MARCHF4: variants seen among roughly 807,000 people sequenced by gnomAD.
The protein encoded by MARCHF4 is membrane associated ring-CH-type finger 4.
MARCHF4 carries 14 observed loss-of-function variants against 43.9 expected under a neutral mutation model. The ratio of observed to expected loss-of-function variants is 0.32; its 90% confidence interval spans 0.21 to 0.50. The LOEUF is 0.50. MARCHF4 is among the 20% of genes least tolerant of loss of function. MARCHF4 has a pLI of 0.98. For synonymous variants in MARCHF4, 226 were observed against 213.3 expected (o/e 1.06, Z -0.52); for missense variants, 468 against 536.7 (o/e 0.87, Z 1.27).
At chr2:216,265,429 C>G (rs566623975) in intron 3 of MARCHF4, 1 of 152,256 alleles carries the variant, frequency 6.6e-6, no homozygotes, top group South Asian at 2.1e-4. Context: ...ATCCCACCCC[C>G]ACTCCATGTC....
In MARCHF4 at chr2:216,371,776, G is replaced by A. The variant is rs2105990354; in HGVS notation, c.-1516C>T. On this transcript the variant is annotated 5_prime_UTR_variant, in exon 1 of 4. Coordinates refer to ENST00000273067, the MANE Select transcript of MARCHF4 (RefSeq NM_020814.3). ...GGAATAATTCGGTTCTCAGGCAAGAGTGCTTCTGGAGGGTGGGGGCGGAGG... is the reference window on the plus strand; with the variant it reads ...GGAATAATTCGGTTCTCAGGCAAGAATGCTTCTGGAGGGTGGGGGCGGAGG... 6.6e-6 allele frequency: 1 copy of A among 152,442 alleles called. No individual in the cohort carries two copies. The highest frequency in any genetic ancestry group is 2.1e-4 in the South Asian group (1 of 4,830). 9.4% of individuals were successfully genotyped at this position (152,442 alleles called of 1,614,324 possible).
intron 1 of MARCHF4, among the ~76,000 whole-genome samples, chr2:216,287,588 T>C (rs1343327960): frequency 7.8e-6 from 1 of 128,240 alleles, no homozygotes; most frequent in Non-Finnish European, 1.5e-5. Flanking sequence ...CAATTCCCAA[T>C]GAGAACACGT....
chr2:216,280,233 G>A (rs1300870711), intron 2 of MARCHF4, among the ~76,000 whole-genome samples: 1 of 151,662 alleles, frequency 6.6e-6, no homozygotes, highest in Non-Finnish European at 1.5e-5. Context: ...GGACACCCAG[G>A]GTACCAGGCT....
chr2:216,360,409 C>T (rs1157674537), intron 1 of MARCHF4, among the ~76,000 whole-genome samples: 2 of 151,826 alleles, frequency 1.3e-5, no homozygotes, highest in Non-Finnish European at 2.9e-5. Flanking sequence ...CTGGGACATC[C>T]ATGTGATGGA....
intron 3 of MARCHF4, among the ~76,000 whole-genome samples, chr2:216,268,369 C>T (rs1188372347): frequency 6.6e-6 from 1 of 152,154 alleles, no homozygotes; most frequent in Non-Finnish European, 1.5e-5. Flanking sequence ...ATTGTAATCC[C>T]CGTGTATCAA....
chr2:216,282,562 G>T (rs1691146933), intron 2 of MARCHF4, among the ~76,000 whole-genome samples: 1 of 152,174 alleles, frequency 6.6e-6, no homozygotes, highest in Admixed American at 6.5e-5. Context: ...TGATTATGTG[G>T]CAGCTTAATT....
intron 1 of MARCHF4, among the ~76,000 whole-genome samples, chr2:216,294,139 C>T (rs1360296184): frequency 6.6e-6 from 1 of 152,214 alleles, no homozygotes; most frequent in Non-Finnish European, 1.5e-5. Flanking sequence ...AGGCCACTAC[C>T]CTGAAATTTC....
intron 2 of MARCHF4, among the ~76,000 whole-genome samples, chr2:216,279,141 G>T (rs979524430): frequency 7.2e-5 from 11 of 152,198 alleles, no homozygotes; most frequent in African/African-American, 2.7e-4. Flanking sequence ...GTGATAGGGG[G>T]ATTCGACTTC....
chr2:216,259,666 A>T lies in MARCHF4; in HGVS notation c.879T>A (p.His293Gln). The change falls in exon 4 of 4, where the codon CAT becomes CAA. Residue 293 changes from histidine (H) to glutamine (Q), a missense_variant. Physicochemically the swap from His to Gln is conservative, Grantham distance 24. This residue lies in a region of MARCHF4 where 158 missense variants were observed against 251.1 expected (regional missense o/e 0.63). Coordinates refer to ENST00000273067, the MANE Select transcript of MARCHF4 (RefSeq NM_020814.3). ...AGATGCGGTACACCGAGGGTCCTTCATGGATGATGAGACCTGAGGCAGCAG... is the reference window on the plus strand; with the variant it reads ...AGATGCGGTACACCGAGGGTCCTTCTTGGATGATGAGACCTGAGGCAGCAG... ...MDVVCIGLIIHEGPSVYRIFK... is the reference protein window; with the variant it reads ...MDVVCIGLIIQEGPSVYRIFK... 6.2e-7 allele frequency: 1 copy of T among 1,613,714 alleles called. No individual in the cohort carries two copies. The highest frequency in any genetic ancestry group is 8.5e-7 in the Non-Finnish European group (1 of 1,179,660).
intron 1 of MARCHF4, among the ~76,000 whole-genome samples, chr2:216,346,673 A>G (rs1692325626): frequency 6.6e-6 from 1 of 152,224 alleles, no homozygotes; most frequent in Non-Finnish European, 1.5e-5. Flanking sequence ...GCTTCTAAGC[A>G]GAGGGAATAG....
chr2:216,300,899 T>C (rs553945232), intron 1 of MARCHF4, among the ~76,000 whole-genome samples: 2 of 152,154 alleles, frequency 1.3e-5, no homozygotes, highest in South Asian at 4.2e-4. Context: ...CTACCACAAA[T>C]GAAATAGAAA....
chr2:216,302,363 C>T (rs542033682), intron 1 of MARCHF4, among the ~76,000 whole-genome samples: 156 of 150,526 alleles, frequency 1.0e-3, no homozygotes, highest in Non-Finnish European at 1.8e-3. Flanking sequence ...GGACTACAGG[C>T]GCCTGCCACC....
intron 1 of MARCHF4, among the ~76,000 whole-genome samples, chr2:216,348,063 G>A (rs1231479856): frequency 7.8e-6 from 1 of 128,718 alleles, no homozygotes; most frequent in Non-Finnish European, 1.6e-5. Flanking sequence ...TTTAGACAGA[G>A]TTTCGCTTTT....
intron 1 of MARCHF4, among the ~76,000 whole-genome samples, chr2:216,309,144 G>C (rs1691639595): frequency 6.6e-6 from 1 of 152,178 alleles, no homozygotes; most frequent in African/African-American, 2.4e-5. Context: ...CAAAGCATTT[G>C]GTTCTGAAGA....
At position 216,371,590 on chromosome 2, in the gene MARCHF4, C is replaced by G. The variant is rs568759786; in HGVS notation, c.-1330G>C. 0.016 allele frequency: 2,458 copies of G among 152,572 alleles called. 29 individuals carry two copies. Among genetic ancestry groups the G allele is most frequent in the Middle Eastern group, 0.033 (10 of 302 alleles). The allele number at this position is 152,572 out of a possible 1,614,324, so 9.5% of individuals were successfully genotyped here. A position where few individuals can be genotyped will look rare whatever the true frequency, so the allele number is the denominator to read the frequency against. On this transcript the variant is annotated 5_prime_UTR_variant, in exon 1 of 4. Transcript: ENST00000273067. ...CCGCCGTCCGGCGCGGTCGCGACTC[C>G]GGCCTTCATGATCCTCCTCCTCCTC...
At chr2:216,354,918 T>TTC (rs1559106555) in intron 1 of MARCHF4, among the ~76,000 whole-genome samples, 7 of 94,438 alleles carry the variant, frequency 7.4e-5, no homozygotes, top group East Asian at 3.0e-4. Flanking sequence ...TTTCTTTCTT[T>TTC]CTTTCTTTCT....
intron 3 of MARCHF4, among the ~76,000 whole-genome samples, chr2:216,271,364 T>C (rs1055423738): frequency 1.3e-5 from 2 of 152,220 alleles, no homozygotes; most frequent in Admixed American, 1.3e-4. Context: ...CTTTGGAAAC[T>C]AGCTCAAGGA....
intron 1 of MARCHF4, among the ~76,000 whole-genome samples, chr2:216,320,991 T>C (rs1691886588): frequency 6.6e-6 from 1 of 151,822 alleles, no homozygotes; most frequent in Admixed American, 6.6e-5. Context: ...TCTTTTTCTT[T>C]AAGTAAGATT....
rs75807171 is a variant in MARCHF4, at chr2:216,309,587, C to T, written c.517-25858G>A. ...TAGAAATGGGTTACATGACCCAAAC[C>T]ATCTGAGGAGGGCTTCCCAGGGATT... On this transcript the variant is annotated intron_variant, in intron 1 of 3. Transcript: ENST00000273067. Among the ~76,000 whole-genome samples the T allele has an allele frequency of 4.5e-3, 690 of 152,304 alleles. 3 individuals are homozygous for T. Among genetic ancestry groups the T allele is most frequent in the African/African-American group, 0.016 (669 of 41,562 alleles).
Sources: allele counts gnomAD v4.1 joint callset (sites outside exome capture counted in the v4.1 genomes callset), GRCh38; gene constraint gnomAD v4.1.1; regional missense constraint gnomAD v4.1.1; transcripts MANE v1.5; gene names NCBI Gene and HGNC (gene_info 2026-07-23, HGNC 2026-07-21).